Variants in PDE4DIP observed in about 807,000 individuals in gnomAD.
PDE4DIP encodes myomegalin.
Under a neutral mutation model 221.4 loss-of-function variants are expected in PDE4DIP, and 59 were observed. The observed-to-expected ratio is 0.27, with a 90% CI of 0.22 to 0.33. The LOEUF is 0.33. Among genes scored for constraint, PDE4DIP ranks in the 10% least tolerant of loss-of-function variants. The pLI, the probability that PDE4DIP is intolerant of heterozygous loss-of-function variation, is 1.00. For missense variants in PDE4DIP, 1,036 were observed against 2,154.2 expected, an observed-to-expected ratio of 0.48 and a Z score of 10.28; for synonymous variants, 404 against 815.9, an observed-to-expected ratio of 0.50 and a Z score of 8.60.
intron 22 of PDE4DIP, among the ~76,000 whole-genome samples, chr1:148,996,933 C>T (rs2152434220): frequency 6.6e-6 from 1 of 152,288 alleles, no homozygotes; most frequent in South Asian, 2.1e-4. Flanking sequence ...GGGAATGATT[C>T]AGTATAGCCA....
chr1:148,823,678 T>C (rs1356707931), intron 1 of PDE4DIP, among the ~76,000 whole-genome samples: 1 of 150,400 alleles, frequency 6.6e-6, no homozygotes, highest in Non-Finnish European at 1.5e-5. Context: ...CTTTTGGCTA[T>C]ATCAACCTTG....
intron 5 of PDE4DIP, among the ~76,000 whole-genome samples, chr1:148,956,391 G>A (rs587773530): frequency 1.0e-4 from 15 of 150,504 alleles, no homozygotes; most frequent in African/African-American, 1.7e-4. Context: ...CCTTCTTTCC[G>A]TCTTTTTCTT....
intron 32 of PDE4DIP, among the ~76,000 whole-genome samples, chr1:149,014,843 A>G (rs587628289): frequency 2.0e-3 from 309 of 152,168 alleles, no homozygotes; most frequent in Non-Finnish European, 3.6e-3. Flanking sequence ...GGTTTAGAGC[A>G]TGTACTGTGT....
rs1396538283 is a variant in PDE4DIP, at chr1:149,029,776, C to T, written c.6814-11C>T. On this transcript the variant is annotated splice_polypyrimidine_tract_variant and intron_variant, in intron 41 of 43. Transcript: ENST00000369354. ...CTGCCTGGTCAGTAAGAGTCTGTTC[C>T]TCTTATCCAGGGAGAATCAACAGAA... The T allele has an allele frequency of 2.2e-6, 3 of 1,345,052 alleles. No individual in the cohort carries two copies. Among genetic ancestry groups the T allele is most frequent in the Admixed American group, 3.5e-5 (2 of 56,746 alleles). 83.3% of individuals were successfully genotyped at this position (1,345,052 alleles called of 1,614,324 possible). A position where few individuals can be genotyped will look rare whatever the true frequency, so the allele number is the denominator to read the frequency against.
chr1:148,962,332 T>C (rs1553512379), intron 8 of PDE4DIP, 44 bp downstream of exon 11: 2 of 1,505,634 alleles, frequency 1.3e-6, no homozygotes, highest in South Asian at 2.3e-5. Flanking sequence ...CAGTTGGGGA[T>C]GTGCCATTTT....
chr1:148,906,974 G>A (rs1553450835), intron 1 of PDE4DIP, among the ~76,000 whole-genome samples: 1 of 151,136 alleles, frequency 6.6e-6, no homozygotes, highest in Admixed American at 6.6e-5. Context: ...GCTTGAACCT[G>A]GGAGGCGGAG....
intron 14 of PDE4DIP, among the ~76,000 whole-genome samples, chr1:148,971,351 C>G (rs1258860135): frequency 2.7e-5 from 4 of 149,712 alleles, no homozygotes; most frequent in Admixed American, 1.3e-4. Context: ...AGAGAGAGAT[C>G]TATTAGATAA....
intron 37 of PDE4DIP, among the ~76,000 whole-genome samples, chr1:149,022,508 T>A (rs2073326479): frequency 6.6e-6 from 1 of 152,278 alleles, no homozygotes; most frequent in African/African-American, 2.4e-5. Flanking sequence ...CCTGATTTAG[T>A]TTCCTGATTT....
intron 19 of PDE4DIP, among the ~76,000 whole-genome samples, chr1:148,978,868 C>T (rs587720850): frequency 1.3e-5 from 2 of 152,024 alleles, no homozygotes; most frequent in East Asian, 1.9e-4. Flanking sequence ...CTACTTTGGT[C>T]GGTAGCAGCT....
chr1:149,030,755 A>G (rs4263947), intron 43 of PDE4DIP: 9 of 985,166 alleles, frequency 9.1e-6, no homozygotes, highest in East Asian at 2.3e-4. Flanking sequence ...TGATTTTGCT[A>G]TATCTTTAAG....
intron 1 of PDE4DIP, among the ~76,000 whole-genome samples, chr1:148,861,510 C>T (rs1684132858): frequency 3.1e-5 from 1 of 32,584 alleles, no homozygotes; most frequent in African/African-American, 2.0e-4. Flanking sequence ...TGGTGGCAGG[C>T]ACCTGTAATC....
intron 18 of PDE4DIP, 66 bp downstream of exon 21, chr1:148,978,119 C>G (rs2060512985): frequency 6.8e-7 from 1 of 1,460,710 alleles, no homozygotes. Flanking sequence ...AGGGCCTCTT[C>G]AGACAATATT....
intron 35 of PDE4DIP, chr1:149,019,647 A>G (rs587634575): frequency 6.5e-6 from 1 of 152,782 alleles, no homozygotes; most frequent in Admixed American, 6.5e-5. Context: ...AACGAGTACA[A>G]TTTGCCAGGC....
chr1:148,930,711 C>A (rs2047787901), intron 2 of PDE4DIP: 1 of 148,658 alleles, frequency 6.7e-6, no homozygotes, highest in Non-Finnish European at 1.5e-5. Context: ...ATGACACAAA[C>A]AAATGGAAAA....
exon 24 of PDE4DIP, chr1:149,001,883 A>G (rs201426844): frequency 1.2e-6 from 2 of 1,614,054 alleles, no homozygotes; most frequent in East Asian, 4.5e-5. Context: ...GCATCTGACC[A>G]GCACCATTGA....
chr1:148,990,403 A>T (rs1179180125), intron 21 of PDE4DIP: 1 of 961,986 alleles, frequency 1.0e-6, no homozygotes, highest in Non-Finnish European at 1.2e-6. Context: ...TAAGCCCCTT[A>T]TCTGTATTGG....
chr1:148,926,656 A>G (rs1188574481), intron 1 of PDE4DIP, among the ~76,000 whole-genome samples: 3 of 150,438 alleles, frequency 2.0e-5, no homozygotes, highest in African/African-American at 7.3e-5. Flanking sequence ...AGGAAAATAC[A>G]ATTATCTGCC....
At chr1:148,864,313 A>G (rs1454863736) in intron 2 of PDE4DIP, among the ~76,000 whole-genome samples, 1 of 136,816 alleles carries the variant, frequency 7.3e-6, no homozygotes, top group East Asian at 2.0e-4. Flanking sequence ...CTCATAGGTG[A>G]GATTGAGAAA....
intron 5 of PDE4DIP, among the ~76,000 whole-genome samples, chr1:148,946,485 A>C (rs1317884280): frequency 7.1e-6 from 1 of 141,806 alleles, no homozygotes; most frequent in East Asian, 2.1e-4. Flanking sequence ...GGTTGCAGTG[A>C]GTCGAGATTG....
Sources: allele counts gnomAD v4.1 joint callset (sites outside exome capture counted in the v4.1 genomes callset), GRCh38; gene constraint gnomAD v4.1.1; transcripts MANE v1.5; gene names NCBI Gene and HGNC (gene_info 2026-07-23, HGNC 2026-07-21).